The following CPNE4 variants were observed in gnomAD, a reference collection of about 807,000 sequenced individuals.
The protein encoded by CPNE4 is copine-4.
In CPNE4, 25 loss-of-function variants were observed where a neutral mutation model predicts 67.9. That is an observed-to-expected ratio of 0.37 (90% CI 0.27 to 0.51). The LOEUF (loss-of-function observed/expected upper bound fraction) is 0.51, where lower values mean the gene tolerates loss of function less well. Ranked by LOEUF, CPNE4 falls within the 20% of genes least tolerant of loss-of-function variation. The pLI, the probability that CPNE4 is intolerant of heterozygous loss-of-function variation, is 0.93. For synonymous variants in CPNE4, 242 were observed against 244.9 expected (o/e 0.99, Z 0.11); for missense variants, 464 against 690.8 (o/e 0.67, Z 3.68).
intron 7 of CPNE4, among the ~76,000 whole-genome samples, chr3:131,601,106 C>T (rs6778271): frequency 0.13 from 20,198 of 151,998 alleles, 1,921 homozygotes; most frequent in African/African-American, 0.26. Flanking sequence ...GCAGCATTCT[C>T]GGGGTCATTC....
At chr3:131,708,955 A>AAAATATATATAT (rs1339639227) in intron 3 of CPNE4, among the ~76,000 whole-genome samples, 1 of 41,046 alleles carries the variant, frequency 2.4e-5, no homozygotes, top group Non-Finnish European at 5.1e-5. Flanking sequence ...TGAGGGCATA[A>AAAATATATATAT]AGATATATAT....
At chr3:131,905,593 CACAGTTCCAGTGAA>C (rs2088717137) in intron 1 of CPNE4, 149 bp from the exon 2 acceptor site, 1 of 699,600 alleles carries the variant, frequency 1.4e-6, no homozygotes, top group Admixed American at 3.1e-5. Flanking sequence ...AACCCAGTGA[CACAGTTCCAGTGAA>C]ACAAATCAAA....
chr3:132,030,832 T>G (rs1387233906), intron 1 of CPNE4, among the ~76,000 whole-genome samples: 1 of 152,240 alleles, frequency 6.6e-6, no homozygotes, highest in Non-Finnish European at 1.5e-5. Flanking sequence ...AATATGTTTT[T>G]ATTATGCAGT....
At chr3:131,814,095 T>C (rs1375291254) in intron 2 of CPNE4, among the ~76,000 whole-genome samples, 1 of 152,160 alleles carries the variant, frequency 6.6e-6, no homozygotes, top group Non-Finnish European at 1.5e-5. Context: ...GAGTGTAACA[T>C]AGGCACCTAT....
At chr3:131,931,896 C>A (rs2071073114) in intron 1 of CPNE4, among the ~76,000 whole-genome samples, 1 of 152,132 alleles carries the variant, frequency 6.6e-6, no homozygotes. Flanking sequence ...TTATATTATT[C>A]TAAGAAAGAG....
At chr3:132,023,566 C>T (rs2074049074) in intron 1 of CPNE4, among the ~76,000 whole-genome samples, 1 of 136,114 alleles carries the variant, frequency 7.3e-6, no homozygotes, top group Admixed American at 8.2e-5. Context: ...CGGCTCACTG[C>T]AAGCTCCGCC....
At chr3:131,938,205 A>G (rs928344755) in intron 1 of CPNE4, among the ~76,000 whole-genome samples, 1 of 151,988 alleles carries the variant, frequency 6.6e-6, no homozygotes, top group Non-Finnish European at 1.5e-5. Flanking sequence ...AAACATAAAA[A>G]AATTAGCTGG....
chr3:131,858,501 T>A (rs16837922), intron 2 of CPNE4, among the ~76,000 whole-genome samples: 6,882 of 152,214 alleles, frequency 0.045, 510 homozygotes, highest in African/African-American at 0.15. Flanking sequence ...CAAGGAGACA[T>A]GCTTTTATTT....
chr3:131,729,905 C>T (rs2082088700), intron 2 of CPNE4, among the ~76,000 whole-genome samples: 1 of 152,286 alleles, frequency 6.6e-6, no homozygotes, highest in South Asian at 2.1e-4. Context: ...TTATTAAATT[C>T]CTTCTTGAAA....
intron 4 of CPNE4, among the ~76,000 whole-genome samples, chr3:131,699,044 T>C (rs2081230010): frequency 6.6e-6 from 1 of 152,220 alleles, no homozygotes; most frequent in Admixed American, 6.5e-5. Context: ...TTCTACCTTG[T>C]TTCTTTTGCT....
intron 1 of CPNE4, among the ~76,000 whole-genome samples, chr3:131,997,550 G>A (rs1031188679): frequency 2.2e-4 from 33 of 152,202 alleles, no homozygotes; most frequent in African/African-American, 7.5e-4. Flanking sequence ...TGGCCTAGAA[G>A]AGAGAAAAAG....
At chr3:131,832,218 T>C (rs1471958832) in intron 2 of CPNE4, among the ~76,000 whole-genome samples, 1 of 152,178 alleles carries the variant, frequency 6.6e-6, no homozygotes, top group African/African-American at 2.4e-5. Flanking sequence ...CCAAAACTCA[T>C]ATGTTGAAAT....
At chr3:132,021,488 C>T (rs1446193963) in intron 1 of CPNE4, among the ~76,000 whole-genome samples, 3 of 152,166 alleles carry the variant, frequency 2.0e-5, no homozygotes, top group African/African-American at 4.8e-5. Context: ...CTTTTTCTAT[C>T]AGGAATCAGA....
chr3:131,923,541 C>T (rs908702068), intron 1 of CPNE4, among the ~76,000 whole-genome samples: 1 of 151,422 alleles, frequency 6.6e-6, no homozygotes, highest in African/African-American at 2.4e-5. Flanking sequence ...CCTGTCTCTA[C>T]TAAAAATACA....
At chr3:131,584,516 A>G (rs1464906366) in intron 8 of CPNE4, among the ~76,000 whole-genome samples, 2 of 152,088 alleles carry the variant, frequency 1.3e-5, no homozygotes, top group Non-Finnish European at 2.9e-5. Flanking sequence ...CAATTTATCT[A>G]TCTCTATGAC....
At chr3:131,595,609 C>T (rs920469349) in intron 7 of CPNE4, among the ~76,000 whole-genome samples, 10 of 152,256 alleles carry the variant, frequency 6.6e-5, no homozygotes, top group East Asian at 1.9e-4. Context: ...GCATGTAACA[C>T]GGTGAGAGTA....
chr3:131,552,363 C>T, intron 13 of CPNE4, 77 bp downstream of exon 13: 8 of 1,219,064 alleles, frequency 6.6e-6, no homozygotes, highest in Non-Finnish European at 9.7e-6. Flanking sequence ...TATGCTACAC[C>T]AGCAGAGATG....
chr3:132,023,673 G>C, intron 1 of CPNE4, among the ~76,000 whole-genome samples: 1 of 151,990 alleles, frequency 6.6e-6, no homozygotes, highest in East Asian at 1.9e-4. Context: ...ATTTTTAGTA[G>C]AGACGGGGTT....
chr3:132,036,151 A>AT (rs1365264284), upstream of CPNE4, among the ~76,000 whole-genome samples: 1 of 152,212 alleles, frequency 6.6e-6, no homozygotes, highest in African/African-American at 2.4e-5. Context: ...AGTCACCTCT[A>AT]AAGCCTTTCT....
Sources: gnomAD v4.1 joint callset for allele counts (sites outside exome capture counted in the v4.1 genomes callset) on GRCh38, gnomAD v4.1.1 for gene constraint, MANE v1.5 for transcripts, NCBI Gene and HGNC (gene_info 2026-07-23, HGNC 2026-07-21) for gene names.